The following MAF variants were observed in gnomAD, a reference collection of about 807,000 sequenced individuals.
MAF encodes the protein MAF bZIP transcription factor.
A neutral mutation model predicts 22.0 loss-of-function variants in MAF; 10 were observed. The observed-to-expected ratio is 0.45, with a 90% CI of 0.28 to 0.77. The LOEUF is 0.77. MAF is among the 30% of genes least tolerant of loss of function. The pLI, the probability that MAF is intolerant of heterozygous loss-of-function variation, is 0.12. For missense variants in MAF, 544 were observed against 548.4 expected (o/e 0.99, Z 0.08); for synonymous variants, 337 against 255.8 (o/e 1.32, Z -3.03).
chr16:79,307,760 A>G, the MAF span, among the ~76,000 whole-genome samples: 1 of 152,188 alleles, frequency 6.6e-6, no homozygotes, highest in Non-Finnish European at 1.5e-5. Flanking sequence ...AGTAGATCTC[A>G]TATAAGGAAA....
chr16:79,293,620 GCACC>G, the MAF span, among the ~76,000 whole-genome samples: 106 of 152,212 alleles, frequency 7.0e-4, no homozygotes, highest in Middle Eastern at 0.01. Flanking sequence ...TATGTTCTTT[GCACC>G]CTGGCCTGCT....
the MAF span, among the ~76,000 whole-genome samples, chr16:79,417,722 G>C: frequency 6.6e-6 from 1 of 152,156 alleles, no homozygotes; most frequent in Non-Finnish European, 1.5e-5. Context: ...TTGGCTGTCA[G>C]AGTGTTTTCT....
At chr16:79,355,483 C>A in the MAF span, among the ~76,000 whole-genome samples, 3 of 152,196 alleles carry the variant, frequency 2.0e-5, no homozygotes, top group African/African-American at 7.2e-5. Context: ...AACCCCAAGG[C>A]AGAGAAGTGA....
At chr16:79,312,384 TC>T in the MAF span, among the ~76,000 whole-genome samples, 1 of 152,172 alleles carries the variant, frequency 6.6e-6, no homozygotes, top group African/African-American at 2.4e-5. Flanking sequence ...TTAACGTCTA[TC>T]TTTTCTGGTG....
At chr16:79,383,800 T>C in the MAF span, among the ~76,000 whole-genome samples, 1 of 152,110 alleles carries the variant, frequency 6.6e-6, no homozygotes, top group Non-Finnish European at 1.5e-5. Flanking sequence ...ATGAGAAAAG[T>C]GAGAAGGCTA....
chr16:79,352,157 C>T, the MAF span, among the ~76,000 whole-genome samples: 3 of 152,166 alleles, frequency 2.0e-5, no homozygotes, highest in East Asian at 3.9e-4. Flanking sequence ...TGCCAAGAAG[C>T]GGAGGAAGCC....
At chr16:79,322,464 G>C in the MAF span, among the ~76,000 whole-genome samples, 1 of 152,104 alleles carries the variant, frequency 6.6e-6, no homozygotes, top group Non-Finnish European at 1.5e-5. Flanking sequence ...GCGTAAAAAG[G>C]CAATAAGGAG....
At chr16:79,497,026 GAATAAT>G in the MAF span, among the ~76,000 whole-genome samples, 1 of 151,958 alleles carries the variant, frequency 6.6e-6, no homozygotes, top group Non-Finnish European at 1.5e-5. Context: ...AAAAGCTTCT[GAATAAT>G]AATAATAATA....
At chr16:79,262,882 T>C in the MAF span, among the ~76,000 whole-genome samples, 2 of 152,212 alleles carry the variant, frequency 1.3e-5, no homozygotes, top group African/African-American at 4.8e-5. Flanking sequence ...TAGCATTTTT[T>C]TGAAGAACTT....
chr16:79,571,437 C>A, the MAF span, among the ~76,000 whole-genome samples: 222 of 151,772 alleles, frequency 1.5e-3, no homozygotes, highest in African/African-American at 5.2e-3. Context: ...AACTGAAGCC[C>A]AGGGAGCTTC....
At chr16:79,544,348 A>G in the MAF span, among the ~76,000 whole-genome samples, 6 of 152,206 alleles carry the variant, frequency 3.9e-5, no homozygotes, top group African/African-American at 1.4e-4. Flanking sequence ...GCATTGCACA[A>G]CACAGATCTA....
intron 1 of MAF, chr16:79,598,081 G>C (rs865792469): frequency 1.9e-6 from 2 of 1,042,590 alleles, no homozygotes; most frequent in African/African-American, 1.7e-5. Context: ...TCGGCACGCT[G>C]CAAGTCTATA....
chr16:79,327,001 C>T, the MAF span, among the ~76,000 whole-genome samples: 2 of 152,200 alleles, frequency 1.3e-5, no homozygotes, highest in African/African-American at 4.8e-5. Context: ...AACGTCCTAG[C>T]AGCTGTGGGG....
At chr16:79,315,503 T>C in the MAF span, among the ~76,000 whole-genome samples, 2 of 152,230 alleles carry the variant, frequency 1.3e-5, no homozygotes, top group African/African-American at 4.8e-5. Flanking sequence ...GTGCCACACA[T>C]GTATTAAATA....
chr16:79,424,881 A>G, the MAF span, among the ~76,000 whole-genome samples: 1 of 152,176 alleles, frequency 6.6e-6, no homozygotes, highest in Non-Finnish European at 1.5e-5. Context: ...ATATCTACAT[A>G]TTTTCATTAT....
At chr16:79,422,962 G>C in the MAF span, among the ~76,000 whole-genome samples, 1 of 152,064 alleles carries the variant, frequency 6.6e-6, no homozygotes, top group Non-Finnish European at 1.5e-5. Context: ...GAGTGACAAA[G>C]TGCCTGGAAG....
the MAF span, among the ~76,000 whole-genome samples, chr16:79,247,863 A>G: frequency 6.6e-6 from 1 of 152,216 alleles, no homozygotes; most frequent in African/African-American, 2.4e-5. Context: ...TAAAATAATT[A>G]TATTAGAAAA....
chr16:79,212,176 C>A, the MAF span: 1 of 1,481,982 alleles, frequency 6.7e-7, no homozygotes, highest in Non-Finnish European at 8.9e-7. Flanking sequence ...GCCACCACTG[C>A]AGCCGGGGGC....
At chr16:79,501,511 T>A in the MAF span, among the ~76,000 whole-genome samples, 7 of 152,160 alleles carry the variant, frequency 4.6e-5, no homozygotes, top group Non-Finnish European at 1.0e-4. Context: ...AAGTCTTTAT[T>A]TTATGTCAAA....
Sources: gnomAD v4.1 joint callset for allele counts (sites outside exome capture counted in the v4.1 genomes callset) on GRCh38, gnomAD v4.1.1 for gene constraint, MANE v1.5 for transcripts, NCBI Gene and HGNC (gene_info 2026-07-23, HGNC 2026-07-21) for gene names.